ZNF592: variants seen among roughly 807,000 people sequenced by gnomAD.
ZNF592 encodes the protein zinc finger protein 592, also known as spinocerebellar ataxia, autosomal recessive 5.
Under a neutral mutation model 80.3 loss-of-function variants are expected in ZNF592, and 11 were observed. The observed-to-expected ratio is 0.14, with a 90% CI of 0.09 to 0.23. ZNF592 has a LOEUF of 0.23. Among genes scored for constraint, ZNF592 ranks in the 10% least tolerant of loss-of-function variants. ZNF592 has a pLI of 1.00. For missense variants in ZNF592, 1,420 were observed against 1,633.9 expected, an observed-to-expected ratio of 0.87 and a Z score of 2.26; for synonymous variants, 646 against 640.3, an observed-to-expected ratio of 1.01 and a Z score of -0.13.
intron 3 of ZNF592, among the ~76,000 whole-genome samples, chr15:84,779,430 G>T (rs1294586739): frequency 6.6e-6 from 1 of 152,124 alleles, no homozygotes. Context: ...TTTTCTTACT[G>T]GGGCTAAATA....
intron 4 of ZNF592, among the ~76,000 whole-genome samples, chr15:84,786,970 C>G (rs1962606862): frequency 6.6e-6 from 1 of 151,016 alleles, no homozygotes; most frequent in Non-Finnish European, 1.5e-5. Context: ...CCTGCCTCAG[C>G]TTCCTGAGTA....
intron 3 of ZNF592, among the ~76,000 whole-genome samples, chr15:84,781,126 G>A (rs1962410656): frequency 6.6e-6 from 1 of 152,020 alleles, no homozygotes; most frequent in South Asian, 2.1e-4. Context: ...TCTACTCATG[G>A]CAACCTCCAC....
At position 84,798,759 on chromosome 15, in the gene ZNF592, C is replaced by T. The variant is rs145238866; in HGVS notation, c.2908C>T (p.Arg970Cys). The T allele has an allele frequency of 4.9e-4, 783 of 1,607,668 alleles. 6 individuals carry two copies. The highest frequency in any genetic ancestry group is 1.7e-3 in the East Asian group (77 of 44,864). ...CCGCTGGGGTAGGCCTGAAGCCCAC[C>T]GCAGGGTGGAAGCCAGGCCGCGGCT... is the stretch of plus-strand genomic sequence containing the variant. ...SGRWGRPEAH[R>C]RVEARPRLRN... Residue 970 changes from arginine (R) to cysteine (C), a missense_variant, in exon 8 of 11, where the codon CGC becomes TGC. Physicochemically the swap from Arg to Cys is radical, Grantham distance 180 (BLOSUM62 -3). Transcript: ENST00000560079. This position sits in a 1 kb window ranked among gnomAD's most constrained non-coding sequence, Gnocchi z 4.5.
At chr15:84,792,532 C>T (rs1962778580) in intron 5 of ZNF592, among the ~76,000 whole-genome samples, 14 of 151,948 alleles carry the variant, frequency 9.2e-5, no homozygotes, top group Admixed American at 9.2e-4. Context: ...CTCACTGCAG[C>T]CTTGACCTCC....
chr15:84,787,825 G>A (rs990187612), intron 4 of ZNF592, among the ~76,000 whole-genome samples: 1 of 152,138 alleles, frequency 6.6e-6, no homozygotes, highest in African/African-American at 2.4e-5. Flanking sequence ...CTGAACATGG[G>A]GCTATACATC....
Position 84,790,719 on chromosome 15 carries a change from C to T in ZNF592, c.2235C>T (p.Cys745=). The part of the protein sequence containing the change: ...EETEGLTCQV[C]QMLLPNQCSF... ...TTCTTTCCTAGACCTGCCAGGTATG[C>T]CAAATGCTGCTGCCCAACCAGTGCA... Residue 745 remains cysteine, a synonymous_variant, in exon 5 of 11, where the codon TGC becomes TGT. Coordinates refer to ENST00000560079, the MANE Select transcript of ZNF592 (RefSeq NM_014630.3). 2 of 1,614,168 alleles carry T rather than the reference C, an allele frequency of 1.2e-6. No individual in the cohort carries two copies. The highest frequency in any genetic ancestry group is 3.3e-5 in the Admixed American group (2 of 60,018).
At chr15:84,785,174 C>T (rs547766492) in intron 4 of ZNF592, among the ~76,000 whole-genome samples, 16 of 152,172 alleles carry the variant, frequency 1.1e-4, no homozygotes, top group Non-Finnish European at 1.9e-4. Flanking sequence ...GTGTCAGGCC[C>T]GAGATAGGTC....
At chr15:84,800,786 G>A (rs1426556427) in intron 10 of ZNF592, among the ~76,000 whole-genome samples, 1 of 152,180 alleles carries the variant, frequency 6.6e-6, no homozygotes, top group Non-Finnish European at 1.5e-5. Flanking sequence ...TTGTCTATTA[G>A]AGAGATCTTT....
intron 5 of ZNF592, among the ~76,000 whole-genome samples, chr15:84,797,456 C>T (rs1459904089): frequency 6.6e-6 from 1 of 152,220 alleles, no homozygotes; most frequent in Admixed American, 6.5e-5. Context: ...GGGCTTTGTG[C>T]AGCCTCCTTC....
intron 2 of ZNF592, among the ~76,000 whole-genome samples, chr15:84,771,232 G>C (rs1899692860): frequency 6.6e-6 from 1 of 152,190 alleles, no homozygotes; most frequent in Non-Finnish European, 1.5e-5. Context: ...GAGAAGTGCT[G>C]CCATAGAGGA....
In ZNF592 at chr15:84,802,544, G is replaced by GT. The variant is rs1466514629; in HGVS notation, c.*152dup. The GT allele has an allele frequency of 2.2e-6, 2 of 905,638 alleles. No homozygotes were observed. Among genetic ancestry groups the GT allele is most frequent in the African/African-American group, 3.3e-5 (2 of 60,884 alleles). 56.1% of individuals were successfully genotyped at this position (905,638 alleles called of 1,614,324 possible). ...GTCTGCCCTGAGCTGCCAGTGCTGGGTATCCCCCAGCCCCAGGAAATGTGG... is the reference window on the plus strand; with the variant it reads ...GTCTGCCCTGAGCTGCCAGTGCTGGGTTATCCCCCAGCCCCAGGAAATGTGG... On this transcript the variant is annotated 3_prime_UTR_variant, in exon 11 of 11. Coordinates refer to ENST00000560079, the MANE Select transcript of ZNF592 (RefSeq NM_014630.3).
At position 84,799,043 on chromosome 15, in the gene ZNF592, A is replaced by C; in HGVS notation, c.3025-55A>C. ...CCATGGCATCTGAGAAGAAAAATGC[A>C]CCCAGAACTATCTTACAGTTCTGAT... is the stretch of plus-strand genomic sequence containing the variant. On this transcript the variant is annotated intron_variant, in intron 8 of 10. Coordinates refer to ENST00000560079, the MANE Select transcript of ZNF592 (RefSeq NM_014630.3). The surrounding 1 kb of genome is among the most constrained non-coding windows in gnomAD (Gnocchi z 4.2). The C allele has an allele frequency of 1.2e-6, 2 of 1,603,396 alleles. No homozygotes were observed. The highest frequency in any genetic ancestry group is 1.7e-6 in the Non-Finnish European group (2 of 1,170,274).
At position 84,803,444 on chromosome 15, in the gene ZNF592, G is replaced by T. The variant is rs1021538403; in HGVS notation, c.*1051G>T. The T allele has an allele frequency of 3.3e-5, 5 of 152,520 alleles. No homozygotes were observed. Among genetic ancestry groups the T allele is most frequent in the African/African-American group, 1.2e-4 (5 of 41,412 alleles). 9.4% of individuals were successfully genotyped at this position (152,520 alleles called of 1,614,324 possible). On this transcript the variant is annotated 3_prime_UTR_variant, in exon 11 of 11. Coordinates refer to ENST00000560079, the MANE Select transcript of ZNF592 (RefSeq NM_014630.3). ...TAAGGAAGGCCTTCTCTAGATTCTGGAGCTTGTGGTTAGGAAACCGGGAGC... is the reference window on the plus strand; with the variant it reads ...TAAGGAAGGCCTTCTCTAGATTCTGTAGCTTGTGGTTAGGAAACCGGGAGC...
At chr15:84,800,145 A>C (rs1454429844) in intron 10 of ZNF592, among the ~76,000 whole-genome samples, 168 bp downstream of exon 10, 5 of 152,190 alleles carry the variant, frequency 3.3e-5, no homozygotes, top group Admixed American at 1.3e-4. Context: ...GGACACAAGT[A>C]GGGGATAAGG....
chr15:84,767,203 A>AT (rs1899554342), intron 2 of ZNF592, among the ~76,000 whole-genome samples: 2 of 151,708 alleles, frequency 1.3e-5, no homozygotes, highest in East Asian at 1.9e-4. Flanking sequence ...TTTTGTAGAG[A>AT]TTTTTTGTAT....
At chr15:84,789,063 C>CA (rs537869400) in intron 4 of ZNF592, among the ~76,000 whole-genome samples, 4,279 of 147,184 alleles carry the variant, frequency 0.029, 195 homozygotes, top group African/African-American at 0.1. Flanking sequence ...AAAAAAAAAA[C>CA]AAAAAAAACA....
At chr15:84,752,746 TG>T (rs1899049475) in intron 1 of ZNF592, among the ~76,000 whole-genome samples, 1 of 152,120 alleles carries the variant, frequency 6.6e-6, no homozygotes, top group Non-Finnish European at 1.5e-5. Flanking sequence ...CAGCTTTATT[TG>T]GGGGGCATCA....
chr15:84,799,264 G>T lies in ZNF592; in HGVS notation c.3137+54G>T, dbSNP rs997095600. 50 of 1,532,818 alleles carry T rather than the reference G, an allele frequency of 3.3e-5. No individual in the cohort carries two copies. Among genetic ancestry groups the T allele is most frequent in the Admixed American group, 3.3e-5 (2 of 59,872 alleles). 95.0% of individuals were successfully genotyped at this position (1,532,818 alleles called of 1,614,324 possible). A position where few individuals can be genotyped will look rare whatever the true frequency, so the allele number is the denominator to read the frequency against. On this transcript the variant is annotated intron_variant, in intron 9 of 10. Coordinates refer to ENST00000560079, the MANE Select transcript of ZNF592 (RefSeq NM_014630.3). This position sits in a 1 kb window ranked among gnomAD's most constrained non-coding sequence, Gnocchi z 4.2. ...GCCTGAGGTTCAAAAGACTCTGTCCGTGGCACCACTGGGGCTTTTCTGTGC... is the reference window on the plus strand; with the variant it reads ...GCCTGAGGTTCAAAAGACTCTGTCCTTGGCACCACTGGGGCTTTTCTGTGC...
chr15:84,795,335 A>T (rs1003223884), intron 5 of ZNF592, among the ~76,000 whole-genome samples: 1 of 152,218 alleles, frequency 6.6e-6, no homozygotes, highest in Non-Finnish European at 1.5e-5. Flanking sequence ...CGTCTTAAAA[A>T]ACTGTGGTCA....
Sources: allele counts gnomAD v4.1 joint callset (sites outside exome capture counted in the v4.1 genomes callset), GRCh38; gene constraint gnomAD v4.1.1; non-coding constraint Gnocchi (gnomAD v3.1); transcripts MANE v1.5; gene names NCBI Gene and HGNC (gene_info 2026-07-23, HGNC 2026-07-21).